Variants in SASH1 observed in about 807,000 individuals in gnomAD.
The protein encoded by SASH1 is SAM and SH3 domain-containing protein 1.
Under a neutral mutation model 125.2 loss-of-function variants are expected in SASH1, and 44 were observed. The ratio of observed to expected loss-of-function variants is 0.35; its 90% CI spans 0.28 to 0.45. The LOEUF (loss-of-function observed/expected upper bound fraction) is 0.45, where lower values mean the gene tolerates loss of function less well. Among genes scored for constraint, SASH1 ranks in the 20% least tolerant of loss-of-function variants. The pLI is 1.00. For missense variants in SASH1, 1,426 were observed against 1,614.5 expected, an observed-to-expected ratio of 0.88 and a Z score of 2.00; for synonymous variants, 639 against 649.1, an observed-to-expected ratio of 0.98 and a Z score of 0.24.
intron 1 of SASH1, among the ~76,000 whole-genome samples, chr6:148,372,178 C>T (rs1321726542): frequency 6.6e-6 from 1 of 152,194 alleles, no homozygotes; most frequent in African/African-American, 2.4e-5. Flanking sequence ...TGCTGCCACG[C>T]TCTTTCCCTT....
intron 1 of SASH1, among the ~76,000 whole-genome samples, chr6:148,350,764 C>G (rs1781700009): frequency 6.6e-6 from 1 of 152,184 alleles, no homozygotes; most frequent in Non-Finnish European, 1.5e-5. Flanking sequence ...ATCAGTGATA[C>G]CATTTAATAC....
intron 1 of SASH1, among the ~76,000 whole-genome samples, chr6:148,386,928 A>AG (rs1196839982): frequency 6.6e-6 from 1 of 152,042 alleles, no homozygotes; most frequent in African/African-American, 2.4e-5. Flanking sequence ...GTATCAGCAA[A>AG]CAAACATCCC....
At chr6:148,209,745 C>T in the SASH1 span, among the ~76,000 whole-genome samples, 1 of 152,168 alleles carries the variant, frequency 6.6e-6, no homozygotes, top group Admixed American at 6.5e-5. Context: ...ACCCGTATGC[C>T]TCCCCTCTTT....
intron 2 of SASH1, among the ~76,000 whole-genome samples, chr6:148,404,784 G>T (rs1388032697): frequency 1.3e-5 from 1 of 76,578 alleles, no homozygotes; most frequent in East Asian, 4.0e-4. Context: ...CCTCATCCCA[G>T]TCCCCAGTCC....
At position 148,343,081 on chromosome 6, in the gene SASH1, G is replaced by A; in HGVS notation, c.14G>A (p.Gly5Glu). 1 of 1,520,578 alleles carries A rather than the reference G, an allele frequency of 6.6e-7. No individual in the cohort carries two copies. Among genetic ancestry groups the A allele is most frequent in the Non-Finnish European group, 8.8e-7 (1 of 1,140,160 alleles). The allele number at this position is 1,520,578 out of a possible 1,614,324, so 94.2% of individuals were successfully genotyped here. The part of the protein sequence containing the change: MEDA[G>E]AAGPGPEPEP... Reference sequence around the variant, plus strand: ...CGGGACACGGCCATGGAGGACGCGGGAGCAGCTGGCCCGGGGCCGGAGCCT... The same window carrying A: ...CGGGACACGGCCATGGAGGACGCGGAAGCAGCTGGCCCGGGGCCGGAGCCT... The change falls in exon 1 of 20, where the codon GGA becomes GAA. Residue 5 changes from glycine to glutamate, a missense_variant. By Grantham distance (98) the Gly-to-Glu change is moderately conservative. Around this residue, in one of 3 missense-constraint regions of SASH1, gnomAD observed 567 missense variants for 575.6 expected, o/e 0.99. Coordinates refer to ENST00000367467, the MANE Select transcript of SASH1 (RefSeq NM_015278.5).
the SASH1 span, among the ~76,000 whole-genome samples, chr6:148,258,153 A>G: frequency 6.6e-6 from 1 of 152,098 alleles, no homozygotes; most frequent in Admixed American, 6.5e-5. Flanking sequence ...TCCTGGGCTC[A>G]AGAGATCCTC....
chr6:148,522,250 C>T (rs574589159), intron 10 of SASH1, among the ~76,000 whole-genome samples: 1 of 152,298 alleles, frequency 6.6e-6, no homozygotes, highest in African/African-American at 2.4e-5. Flanking sequence ...TTGCATATTC[C>T]TTTTCTTGTA....
intron 1 of SASH1, chr6:148,272,391 CTGTT>C: frequency 2.1e-6 from 1 of 469,792 alleles, no homozygotes; most frequent in Non-Finnish European, 4.4e-6. Flanking sequence ...TGTAGGCTGT[CTGTT>C]TTCAAATTTT....
At chr6:148,541,251 T>TTGA (rs1782200080) in intron 17 of SASH1, among the ~76,000 whole-genome samples, 2 of 151,222 alleles carry the variant, frequency 1.3e-5, no homozygotes, top group Non-Finnish European at 2.9e-5. Context: ...ATGCCCAGGT[T>TTGA]TGATAGCTTT....
chr6:148,458,462 A>G (rs9390571), intron 4 of SASH1, among the ~76,000 whole-genome samples: 37,616 of 152,088 alleles, frequency 0.25, 5,266 homozygotes, highest in East Asian at 0.66. Context: ...GGATATTGAC[A>G]TGGGAGGCAA....
intron 16 of SASH1, among the ~76,000 whole-genome samples, chr6:148,538,238 T>C (rs1417627377): frequency 1.3e-5 from 2 of 152,186 alleles, no homozygotes; most frequent in African/African-American, 4.8e-5. Flanking sequence ...GCACAGCACA[T>C]ACTTCCATGC....
the SASH1 span, among the ~76,000 whole-genome samples, chr6:148,260,796 C>CTTTTTTTTT: frequency 8.7e-5 from 9 of 104,044 alleles, no homozygotes; most frequent in Non-Finnish European, 1.1e-4. Context: ...CCTATAAGGG[C>CTTTTTTTTT]TTTTTTTTTT....
At chr6:148,308,396 G>GT (rs1780201631) in intron 1 of SASH1, among the ~76,000 whole-genome samples, 1 of 139,134 alleles carries the variant, frequency 7.2e-6, no homozygotes, top group Non-Finnish European at 1.6e-5. Flanking sequence ...AAACTTAGGA[G>GT]CTTTTTTTTT....
chr6:148,260,643 T>C, the SASH1 span, among the ~76,000 whole-genome samples: 1 of 151,854 alleles, frequency 6.6e-6, no homozygotes, highest in Non-Finnish European at 1.5e-5. Context: ...AAAATATTGC[T>C]TAAATTATCA....
chr6:148,536,773 C>CCTGAG (rs1781871830), intron 16 of SASH1, among the ~76,000 whole-genome samples: 1 of 152,220 alleles, frequency 6.6e-6, no homozygotes. Flanking sequence ...TGAGACCCAT[C>CCTGAG]ATTCCTCCTG....
rs369004099 is a variant in SASH1 at position 148,346,487 on chromosome 6, C to CCA, written c.156+3264_156+3265insCA. Among the ~76,000 whole-genome samples, 4 of 139,424 alleles carry CCA rather than the reference C, an allele frequency of 2.9e-5. No homozygotes were observed. In the South Asian group the frequency reaches 6.8e-4, roughly 24 times the overall value. The allele number at this position is 139,424 out of a possible 152,430, so 91.5% of individuals were successfully genotyped here. A position where few individuals can be genotyped will look rare whatever the true frequency, so the allele number is the denominator to read the frequency against. On this transcript the variant is annotated intron_variant, in intron 1 of 19. Transcript: ENST00000367467. ...ATAGAATTAAGAGAAAACAAGCTTG[C>CCA]AAAAAAAAAAAAAAATTAACTAGAT...
At chr6:148,503,761 A>G (rs113661352) in intron 8 of SASH1, among the ~76,000 whole-genome samples, 1,924 of 27,978 alleles carry the variant, frequency 0.069, 29 homozygotes, top group African/African-American at 0.18. Flanking sequence ...CCTTTCTTGT[A>G]AAAAAAAAAA....
In SASH1 at chr6:148,519,636, G is replaced by A. The variant is rs146881999; in HGVS notation, c.952G>A (p.Asp318Asn). Residue 318 changes from aspartate (D) to asparagine (N), a missense_variant, in exon 10 of 20, where the codon GAT (aspartate) becomes AAT (asparagine). Transcript: ENST00000367467. This position sits in a 1 kb window ranked among gnomAD's most constrained non-coding sequence, Gnocchi z 4.8. ...CGTGCACAAGAAGCCCCTTTTCTTT[G>A]ATGGCTCTCCTGAGAAACCTCCCGA... ...SGVHKKPLFFDGSPEKPPEDD... is the reference protein window; with the variant it reads ...SGVHKKPLFFNGSPEKPPEDD... 5.5e-5 allele frequency: 89 copies of A among 1,614,010 alleles called. No individual in the cohort carries two copies. The highest frequency in any genetic ancestry group is 6.7e-5 in the Non-Finnish European group (79 of 1,180,036).
chr6:148,502,201 C>G (rs1779585673), intron 8 of SASH1, among the ~76,000 whole-genome samples: 1 of 152,214 alleles, frequency 6.6e-6, no homozygotes, highest in Non-Finnish European at 1.5e-5. Flanking sequence ...CAGTGTTCCA[C>G]TGTACCTCTG....
Sources: gnomAD v4.1 joint callset for allele counts (sites outside exome capture counted in the v4.1 genomes callset) on GRCh38, gnomAD v4.1.1 for gene constraint, gnomAD v4.1.1 regional missense constraint, Gnocchi (gnomAD v3.1) non-coding constraint, MANE v1.5 for transcripts, NCBI Gene and HGNC (gene_info 2026-07-23, HGNC 2026-07-21) for gene names.